The following RGPD2 variants were observed in gnomAD, a reference collection of about 807,000 sequenced individuals.
RGPD2 encodes the protein RANBP2 like and GRIP domain containing 2, also known as RANBP2-like and GRIP domain-containing protein 2.
A neutral mutation model predicts 36.0 loss-of-function variants in RGPD2; 2 were observed. That is an observed-to-expected ratio of 0.06 (90% CI 0.02 to 0.17). RGPD2 has a LOEUF of 0.17. Ranked by LOEUF, RGPD2 falls within the 10% of genes least tolerant of loss-of-function variation. RGPD2 has a pLI of 1.00. For synonymous variants in RGPD2, 19 were observed against 163.8 expected (o/e 0.12, Z 6.75); for missense variants, 40 against 464.3 (o/e 0.09, Z 8.40).
At chr2:87,914,085 A>C in the RGPD2 span, among the ~76,000 whole-genome samples, 3 of 151,770 alleles carry the variant, frequency 2.0e-5, no homozygotes, top group Non-Finnish European at 4.4e-5. Context: ...GGAAGTAAGT[A>C]TAGCCGAATG....
the RGPD2 span, among the ~76,000 whole-genome samples, chr2:87,984,333 CTA>C: frequency 6.6e-6 from 1 of 151,988 alleles, no homozygotes; most frequent in Non-Finnish European, 1.5e-5. Context: ...TGGGAAGTAA[CTA>C]GAGATGTGGT....
chr2:87,984,091 G>A, the RGPD2 span, among the ~76,000 whole-genome samples: 10 of 130,468 alleles, frequency 7.7e-5, no homozygotes, highest in South Asian at 5.9e-4. Flanking sequence ...CATGAAATAT[G>A]AATAAAAAAA....
At chr2:87,985,193 A>T in the RGPD2 span, among the ~76,000 whole-genome samples, 7 of 147,492 alleles carry the variant, frequency 4.7e-5, no homozygotes, top group East Asian at 1.4e-3. Context: ...AAGGCCTTAT[A>T]CCATTAACAG....
At chr2:87,977,633 C>T in the RGPD2 span, among the ~76,000 whole-genome samples, 21 of 146,988 alleles carry the variant, frequency 1.4e-4, no homozygotes, top group African/African-American at 4.6e-4. Flanking sequence ...AGGCATACAG[C>T]GAGACTCTAT....
the RGPD2 span, among the ~76,000 whole-genome samples, chr2:87,988,541 A>ATT: frequency 3.0e-4 from 16 of 54,152 alleles, no homozygotes; most frequent in East Asian, 1.5e-3. Flanking sequence ...ATATATATAT[A>ATT]TTTTTTTTTT....
intron 4 of RGPD2, among the ~76,000 whole-genome samples, chr2:87,815,055 C>A (rs1462135523): frequency 7.8e-6 from 1 of 128,198 alleles, no homozygotes; most frequent in Admixed American, 7.6e-5. Context: ...ACAAAAGGGG[C>A]AGCATGAGGA....
the RGPD2 span, among the ~76,000 whole-genome samples, chr2:87,957,518 C>G: frequency 1.3e-5 from 2 of 152,140 alleles, no homozygotes; most frequent in African/African-American, 4.8e-5. Flanking sequence ...GATGGCAGTT[C>G]TATGCCGTAC....
At chr2:87,922,156 G>A in the RGPD2 span, among the ~76,000 whole-genome samples, 1 of 151,436 alleles carries the variant, frequency 6.6e-6, no homozygotes, top group Non-Finnish European at 1.5e-5. Flanking sequence ...AGCTGGGCGT[G>A]GTGGCGTGCA....
At chr2:87,972,767 T>C in the RGPD2 span, 1 of 1,611,600 alleles carries the variant, frequency 6.2e-7, no homozygotes, top group South Asian at 1.1e-5. Flanking sequence ...GCCCTACCTC[T>C]GTGAGAGTGG....
chr2:87,937,440 T>C, the RGPD2 span, among the ~76,000 whole-genome samples: 1 of 151,872 alleles, frequency 6.6e-6, no homozygotes, highest in African/African-American at 2.4e-5. Flanking sequence ...TTCTGCAGGC[T>C]GTAGGAGCGT....
chr2:87,855,276 C>T, the RGPD2 span, among the ~76,000 whole-genome samples: 4 of 152,078 alleles, frequency 2.6e-5, no homozygotes, highest in Admixed American at 2.0e-4. Flanking sequence ...TGTATGGTAG[C>T]GCTATGTTTA....
chr2:87,844,030 G>A, the RGPD2 span, among the ~76,000 whole-genome samples: 3 of 150,130 alleles, frequency 2.0e-5, no homozygotes, highest in Non-Finnish European at 4.4e-5. Flanking sequence ...CATGGACACA[G>A]GAAGGGGAAC....
the RGPD2 span, among the ~76,000 whole-genome samples, chr2:87,881,365 C>T: frequency 6.6e-6 from 1 of 152,276 alleles, no homozygotes; most frequent in African/African-American, 2.4e-5. Flanking sequence ...TTTACCTCCA[C>T]ACTGCTCTGT....
At chr2:87,975,763 A>G in the RGPD2 span, among the ~76,000 whole-genome samples, 1 of 151,288 alleles carries the variant, frequency 6.6e-6, no homozygotes, top group Admixed American at 6.6e-5. Flanking sequence ...TGTCTCCCAG[A>G]AGCCTTCATC....
At chr2:87,831,531 G>GA in the RGPD2 span, among the ~76,000 whole-genome samples, 1 of 151,300 alleles carries the variant, frequency 6.6e-6, no homozygotes, top group Non-Finnish European at 1.5e-5. Flanking sequence ...AAGTCAAAGT[G>GA]AAAAAACATA....
At chr2:87,921,425 C>T in the RGPD2 span, among the ~76,000 whole-genome samples, 1 of 152,102 alleles carries the variant, frequency 6.6e-6, no homozygotes, top group South Asian at 2.1e-4. Context: ...AGATTGAGAA[C>T]ACCTGAACTG....
chr2:87,852,199 GA>G, the RGPD2 span, among the ~76,000 whole-genome samples: 1 of 63,788 alleles, frequency 1.6e-5, no homozygotes, highest in African/African-American at 6.1e-5. Context: ...ATGTCATATT[GA>G]AAATGCCTAT....
At chr2:87,867,763 A>G in the RGPD2 span, among the ~76,000 whole-genome samples, 2 of 147,956 alleles carry the variant, frequency 1.4e-5, no homozygotes. Flanking sequence ...TTTATTTGAC[A>G]TATACAATAT....
the RGPD2 span, among the ~76,000 whole-genome samples, chr2:87,913,633 T>A: frequency 1.3e-5 from 2 of 151,422 alleles, no homozygotes; most frequent in Non-Finnish European, 2.9e-5. Context: ...GAAAATAAGG[T>A]TGAGTTTCAG....
Sources: allele counts gnomAD v4.1 joint callset (sites outside exome capture counted in the v4.1 genomes callset), GRCh38; gene constraint gnomAD v4.1.1; transcripts MANE v1.5; gene names NCBI Gene and HGNC (gene_info 2026-07-23, HGNC 2026-07-21).